The following CALCRL variants were observed in gnomAD, a reference collection of about 807,000 sequenced individuals.
CALCRL encodes the protein calcitonin receptor like receptor, also known as calcitonin gene-related peptide type 1 receptor.
In CALCRL, 27 loss-of-function variants were observed where a neutral mutation model predicts 60.4. That is an observed-to-expected ratio of 0.45 (90% CI 0.33 to 0.62). The LOEUF is 0.62. CALCRL is among the 20% of genes least tolerant of loss of function. The probability of loss-of-function intolerance (pLI) is 0.03; values close to 1 mark genes in which losing one functional copy is unlikely to be tolerated. For synonymous variants in CALCRL, 190 were observed against 182.6 expected (o/e 1.04, Z -0.33); for missense variants, 424 against 540.7 (o/e 0.78, Z 2.14).
At chr2:187,358,584 C>A (rs567658832) in intron 12 of CALCRL, among the ~76,000 whole-genome samples, 6 of 150,024 alleles carry the variant, frequency 4.0e-5, no homozygotes, top group Non-Finnish European at 5.9e-5. Context: ...TGTCTGTGAA[C>A]AGCTTCACCC....
intron 8 of CALCRL, among the ~76,000 whole-genome samples, chr2:187,364,297 G>A (rs1391292346): frequency 2.0e-5 from 3 of 152,152 alleles, no homozygotes; most frequent in Non-Finnish European, 2.9e-5. Flanking sequence ...GTGTTCAAGC[G>A]CTACTTCCTT....
At chr2:187,400,119 T>C (rs1379983067) in intron 1 of CALCRL, among the ~76,000 whole-genome samples, 1 of 151,508 alleles carries the variant, frequency 6.6e-6, no homozygotes, top group Non-Finnish European at 1.5e-5. Flanking sequence ...AAAGAAACAA[T>C]ATAAGTTCGA....
intron 9 of CALCRL, among the ~76,000 whole-genome samples, 165 bp downstream of exon 9, chr2:187,363,211 T>C (rs925950626): frequency 1.3e-5 from 2 of 152,114 alleles, no homozygotes; most frequent in African/African-American, 4.8e-5. Context: ...AAGGTAAATA[T>C]TTCTCAATAT....
chr2:187,359,391 A>C (rs1326213679), intron 10 of CALCRL, 119 bp from the exon 11 acceptor site: 1 of 647,824 alleles, frequency 1.5e-6, no homozygotes, highest in Non-Finnish European at 2.6e-6. Flanking sequence ...ACTAGCCACT[A>C]TATATTTGTT....
chr2:187,433,340 G>A (rs1559077812), intron 1 of CALCRL, among the ~76,000 whole-genome samples: 1 of 151,996 alleles, frequency 6.6e-6, no homozygotes, highest in Non-Finnish European at 1.5e-5. Context: ...TTTGGGACAT[G>A]TAAATGGTCA....
chr2:187,365,798 A>G (rs1205818850), intron 8 of CALCRL, among the ~76,000 whole-genome samples: 2 of 152,206 alleles, frequency 1.3e-5, no homozygotes, highest in African/African-American at 4.8e-5. Flanking sequence ...TAAGCCATGA[A>G]CAGAAAGAAA....
At chr2:187,401,987 G>A (rs1191623085) in intron 1 of CALCRL, among the ~76,000 whole-genome samples, 1 of 151,152 alleles carries the variant, frequency 6.6e-6, no homozygotes, top group Non-Finnish European at 1.5e-5. Context: ...AAGAAAGGAA[G>A]AAGGGAAAGA....
intron 9 of CALCRL, among the ~76,000 whole-genome samples, chr2:187,361,114 G>A (rs1164304773): frequency 1.3e-5 from 2 of 150,204 alleles, no homozygotes; most frequent in Non-Finnish European, 3.0e-5. Context: ...TCCCTTGACT[G>A]TTACATTCTG....
intron 9 of CALCRL, among the ~76,000 whole-genome samples, chr2:187,362,465 A>G (rs1236054787): frequency 6.6e-6 from 1 of 152,082 alleles, no homozygotes; most frequent in Admixed American, 6.6e-5. Flanking sequence ...TACTCTAAAA[A>G]CACACATAAA....
intron 1 of CALCRL, among the ~76,000 whole-genome samples, chr2:187,418,753 G>A (rs898104753): frequency 6.6e-6 from 1 of 151,578 alleles, no homozygotes; most frequent in African/African-American, 2.4e-5. Flanking sequence ...TAATATTAAG[G>A]TTCTGAGATG....
intron 12 of CALCRL, 66 bp from the exon 13 acceptor site, chr2:187,352,398 G>T: frequency 1.2e-6 from 1 of 867,254 alleles, no homozygotes; most frequent in Non-Finnish European, 1.9e-6. Flanking sequence ...CATTATTCAA[G>T]TATCTCCAAT....
At chr2:187,396,021 TTTG>T (rs529744154) in intron 1 of CALCRL, among the ~76,000 whole-genome samples, 13,646 of 63,720 alleles carry the variant, frequency 0.21, 722 homozygotes, top group South Asian at 0.37. Flanking sequence ...CCTGACACTG[TTTG>T]TTGTTGTTGT....
At chr2:187,435,116 T>G (rs1379214790) in intron 1 of CALCRL, among the ~76,000 whole-genome samples, 1 of 152,170 alleles carries the variant, frequency 6.6e-6, no homozygotes, top group Non-Finnish European at 1.5e-5. Context: ...CTTGTTTTGC[T>G]ATAAAGAAAT....
rs186377460 is a variant in CALCRL at position 187,342,983 on chromosome 2, A to C, written c.*3201T>G. The C allele has an allele frequency of 6.6e-6, 1 of 151,752 alleles. No homozygotes were observed. The highest frequency in any genetic ancestry group is 6.6e-5 in the Admixed American group (1 of 15,222). The allele number at this position is 151,752 out of a possible 1,614,324, so 9.4% of individuals were successfully genotyped here. A position where few individuals can be genotyped will look rare whatever the true frequency, so the allele number is the denominator to read the frequency against. On this transcript the variant is annotated 3_prime_UTR_variant, in exon 15 of 15. Transcript: ENST00000392370. ...TATTTAAACAAAACTACAAAATGAA[A>C]TATAGTAGATAAAGGAGATGAATTT...
chr2:187,415,748 T>A, intron 1 of CALCRL: 1 of 514,282 alleles, frequency 1.9e-6, no homozygotes, highest in South Asian at 2.2e-5. Flanking sequence ...GGCATTGCTC[T>A]CAACGACCAC....
In CALCRL at chr2:187,343,089, A is replaced by G. The variant is rs945892093; in HGVS notation, c.*3095T>C. On this transcript the variant is annotated 3_prime_UTR_variant, in exon 15 of 15. Transcript: ENST00000392370. ...TTTGCATCCATTGTAGTATAGTTGG[A>G]TTTTTTTAGTTTGAAAAACAAATCA... The G allele has an allele frequency of 5.3e-5, 8 of 151,370 alleles. No individual in the cohort carries two copies. The highest frequency in any genetic ancestry group is 1.9e-4 in the African/African-American group (8 of 41,374). The allele number at this position is 151,370 out of a possible 1,614,324, so 9.4% of individuals were successfully genotyped here.
intron 1 of CALCRL, among the ~76,000 whole-genome samples, chr2:187,436,933 G>A (rs1366681324): frequency 2.0e-5 from 3 of 151,940 alleles, no homozygotes; most frequent in Non-Finnish European, 4.4e-5. Context: ...GCCTCCCTCT[G>A]ATCTTTTAAC....
chr2:187,440,547 T>A (rs1690852639), intron 1 of CALCRL, among the ~76,000 whole-genome samples: 1 of 152,162 alleles, frequency 6.6e-6, no homozygotes, highest in African/African-American at 2.4e-5. Context: ...AAGTTATATT[T>A]AAGGTTTTGA....
Position 187,343,381 on chromosome 2 carries a change from A to G in CALCRL, c.*2803T>C, listed in dbSNP as rs987827472. 2.0e-5 allele frequency: 3 copies of G among 151,936 alleles called. No individual in the cohort carries two copies. Among genetic ancestry groups the G allele is most frequent in the Non-Finnish European group, 4.4e-5 (3 of 67,586 alleles). The allele number at this position is 151,936 out of a possible 1,614,324, so 9.4% of individuals were successfully genotyped here. A position where few individuals can be genotyped will look rare whatever the true frequency, so the allele number is the denominator to read the frequency against. On this transcript the variant is annotated 3_prime_UTR_variant, in exon 15 of 15. Coordinates refer to ENST00000392370, the MANE Select transcript of CALCRL (RefSeq NM_005795.6). ...AACATAAATTGTTATAATTGATCAG[A>G]ATATCTTGAATATATTTTTACAGAT... is the stretch of plus-strand genomic sequence containing the variant.
Sources: gnomAD v4.1 joint callset for allele counts (sites outside exome capture counted in the v4.1 genomes callset) on GRCh38, gnomAD v4.1.1 for gene constraint, MANE v1.5 for transcripts, NCBI Gene and HGNC (gene_info 2026-07-23, HGNC 2026-07-21) for gene names.